Variants in SGSM3 observed in about 807,000 individuals in gnomAD.
The protein encoded by SGSM3 is small G protein signaling modulator 3.
A neutral mutation model predicts 100.5 loss-of-function variants in SGSM3; 96 were observed. The ratio of observed to expected loss-of-function variants is 0.96; its 90% confidence interval spans 0.81 to 1.13. The LOEUF is 1.13. Among genes scored for constraint, SGSM3 ranks in the 50% most tolerant of loss-of-function variants. The pLI, the probability that SGSM3 is intolerant of heterozygous loss-of-function variation, is 0.00. For missense variants in SGSM3, 1,001 were observed against 1,015.8 expected (o/e 0.99, Z 0.20); for synonymous variants, 483 against 422.8 (o/e 1.14, Z -1.75).
chr22:40,385,962 C>T (rs1028920278), intron 1 of SGSM3, among the ~76,000 whole-genome samples: 1 of 152,106 alleles, frequency 6.6e-6, no homozygotes, highest in African/African-American at 2.4e-5. Context: ...GGCGATTCTC[C>T]TATCTCAACT....
Position 40,404,393 on chromosome 22 carries a change from C to A in SGSM3, c.304C>A (p.Pro102Thr). Residue 102 changes from proline to threonine, a missense_variant, in exon 5 of 22, where the codon CCC becomes ACC. Transcript: ENST00000248929. The part of the protein sequence containing the change: ...LTWDKIAVSL[P>T]RSEKLRSLVL... The stretch of plus-strand genomic sequence containing the variant: ...CTGGGACAAGATTGCCGTCTCCCTA[C>A]CCCGCTCTGAGAAGCTCCGCTCCCT... 3 of 1,608,932 alleles carry A rather than the reference C, an allele frequency of 1.9e-6. No homozygotes were observed. Among genetic ancestry groups the A allele is most frequent in the Non-Finnish European group, 2.5e-6 (3 of 1,177,228 alleles).
chr22:40,395,724 A>G (rs1412691001), intron 1 of SGSM3, among the ~76,000 whole-genome samples: 1 of 152,174 alleles, frequency 6.6e-6, no homozygotes, highest in African/African-American at 2.4e-5. Context: ...GCCCAGGAGT[A>G]CAGACTGGAA....
At position 40,407,596 on chromosome 22, in the gene SGSM3, C is replaced by A; in HGVS notation, c.1524+28C>A. 2 of 1,598,270 alleles carry A rather than the reference C, an allele frequency of 1.3e-6. No homozygotes were observed. Among genetic ancestry groups the A allele is most frequent in the South Asian group, 2.2e-5 (2 of 90,852 alleles). On this transcript the variant is annotated intron_variant, in intron 13 of 21. Transcript: ENST00000248929. This position sits in a 1 kb window ranked among gnomAD's most constrained non-coding sequence, Gnocchi z 4.7. The stretch of plus-strand genomic sequence containing the variant: ...GCGTGGGGGCGCTGGACTACCAGGT[C>A]CTCAGGCTGTGGCGGGTTCCCCAGA...
chr22:40,377,020 A>C (rs1038865565), intron 1 of SGSM3, among the ~76,000 whole-genome samples: 11 of 152,216 alleles, frequency 7.2e-5, no homozygotes, highest in African/African-American at 2.7e-4. Context: ...GTCATGCAGC[A>C]TGTGTGCAGA....
intron 1 of SGSM3, among the ~76,000 whole-genome samples, chr22:40,380,364 A>ATTTTT (rs555526386): frequency 7.4e-6 from 1 of 134,242 alleles, no homozygotes; most frequent in Non-Finnish European, 1.6e-5. Flanking sequence ...AATATCTATA[A>ATTTTT]TTTTTTTTTT....
chr22:40,389,790 G>C (rs547038128), intron 1 of SGSM3, among the ~76,000 whole-genome samples: 3 of 150,994 alleles, frequency 2.0e-5, no homozygotes, highest in Admixed American at 6.6e-5. Context: ...TGTAATTCCA[G>C]CTACTCGGGA....
At chr22:40,389,348 C>T (rs2048985672) in intron 1 of SGSM3, among the ~76,000 whole-genome samples, 1 of 152,038 alleles carries the variant, frequency 6.6e-6, no homozygotes. Context: ...GCCTGTAATC[C>T]CAGCGCTTTG....
intron 1 of SGSM3, among the ~76,000 whole-genome samples, chr22:40,386,028 T>G (rs1427011444): frequency 7.9e-5 from 12 of 151,560 alleles, no homozygotes; most frequent in African/African-American, 1.5e-4. Context: ...ATTTTTTGTT[T>G]TTTTTTTTGT....
At chr22:40,388,039 A>G (rs1417402329) in intron 1 of SGSM3, 3 of 152,214 alleles carry the variant, frequency 2.0e-5, no homozygotes, top group South Asian at 2.1e-4. Context: ...GGAACACTCT[A>G]TCTCTGTCAC....
intron 1 of SGSM3, among the ~76,000 whole-genome samples, chr22:40,388,481 G>A (rs1313182263): frequency 1.3e-5 from 2 of 149,556 alleles, no homozygotes; most frequent in Non-Finnish European, 2.9e-5. Context: ...GTTCAGAGAT[G>A]AGGCTGCAGG....
intron 4 of SGSM3, among the ~76,000 whole-genome samples, chr22:40,403,762 G>A (rs2051065218): frequency 6.6e-6 from 1 of 152,184 alleles, no homozygotes; most frequent in African/African-American, 2.4e-5. Context: ...CACTGTGGCT[G>A]CTGAGGGGAA....
intron 1 of SGSM3, among the ~76,000 whole-genome samples, chr22:40,372,121 C>G (rs868532234): frequency 4.4e-5 from 5 of 114,266 alleles, no homozygotes; most frequent in Non-Finnish European, 6.8e-5. Context: ...GTCCCCCCCC[C>G]CTTTTTTTTT....
intron 1 of SGSM3, among the ~76,000 whole-genome samples, chr22:40,373,758 G>A (rs1228207329): frequency 1.2e-4 from 18 of 151,528 alleles, no homozygotes. Flanking sequence ...TGAGACTGCA[G>A]GCGTGCACCA....
rs2052420336 is a variant in SGSM3, at chr22:40,410,167, T to TG, written c.*409dup. 1 of 1,088,150 alleles carries TG rather than the reference T, an allele frequency of 9.2e-7. No homozygotes were observed. The highest frequency in any genetic ancestry group is 1.6e-5 in the African/African-American group (1 of 61,104). 67.4% of individuals were successfully genotyped at this position (1,088,150 alleles called of 1,614,324 possible). On this transcript the variant is annotated 3_prime_UTR_variant, in exon 22 of 22. Coordinates refer to ENST00000248929, the MANE Select transcript of SGSM3 (RefSeq NM_015705.6). ...AGAGCTGTATTCAGGTCCAAGGTTC[T>TG]GCCCTTCCTTGAGTGGTCTAGAAGG...
At chr22:40,403,498 T>G (rs1467880349) in intron 4 of SGSM3, among the ~76,000 whole-genome samples, 1 of 152,166 alleles carries the variant, frequency 6.6e-6, no homozygotes, top group Middle Eastern at 3.2e-3. Flanking sequence ...GCATGTAATA[T>G]TCTGGAGCAA....
At chr22:40,383,745 G>C (rs1382939651) in intron 1 of SGSM3, among the ~76,000 whole-genome samples, 1 of 152,178 alleles carries the variant, frequency 6.6e-6, no homozygotes, top group Non-Finnish European at 1.5e-5. Context: ...TGGAATCAGA[G>C]CTGTGCTTCA....
rs2048830606 is a variant in SGSM3, at chr22:40,388,523, C to A, written c.-111-12173C>A. On this transcript the variant is annotated intron_variant, in intron 1 of 21. Transcript: ENST00000248929. ...CAGGGGCTGCTAGGTCATGCAGGGTCTTATAAATCAAGTTAACAAATTTGG... is the reference window on the plus strand; with the variant it reads ...CAGGGGCTGCTAGGTCATGCAGGGTATTATAAATCAAGTTAACAAATTTGG... 2.0e-5 allele frequency among the ~76,000 whole-genome samples: 3 copies of A among 152,060 alleles called. No individual in the cohort carries two copies. In the South Asian group the frequency reaches 6.2e-4, roughly 32 times the overall value.
At position 40,407,524 on chromosome 22, in the gene SGSM3, C is replaced by T; in HGVS notation, c.1480C>T (p.His494Tyr). The T allele has an allele frequency of 1.9e-6, 3 of 1,607,906 alleles. No individual in the cohort carries two copies. Among genetic ancestry groups the T allele is most frequent in the Non-Finnish European group, 2.5e-6 (3 of 1,179,944 alleles). The change falls in exon 13 of 22, where the codon CAC becomes TAC. Residue 494 changes from histidine (H) to tyrosine (Y), a missense_variant. Physicochemically the swap from His to Tyr is moderately conservative, Grantham distance 83 (BLOSUM62 2). Coordinates refer to ENST00000248929, the MANE Select transcript of SGSM3 (RefSeq NM_015705.6). This position sits in a 1 kb window ranked among gnomAD's most constrained non-coding sequence, Gnocchi z 4.7. ...RAKALLDFER[H>Y]DDDELGFRKN... ...CAAGGCCCTGCTGGACTTTGAGCGG[C>T]ACGACGACGACGAGCTGGGCTTCCG... is the stretch of plus-strand genomic sequence containing the variant.
intron 1 of SGSM3, chr22:40,379,338 T>G (rs1056678079): frequency 1.3e-5 from 2 of 152,508 alleles, no homozygotes; most frequent in Non-Finnish European, 2.9e-5. Flanking sequence ...TAGCTCATGC[T>G]GTCCACTTCG....
Sources: allele counts gnomAD v4.1 joint callset (sites outside exome capture counted in the v4.1 genomes callset), GRCh38; gene constraint gnomAD v4.1.1; non-coding constraint Gnocchi (gnomAD v3.1); transcripts MANE v1.5; gene names NCBI Gene and HGNC (gene_info 2026-07-23, HGNC 2026-07-21).